Variants in STOX2 observed in about 807,000 individuals in gnomAD.
STOX2 encodes storkhead-box protein 2.
Under a neutral mutation model 60.9 loss-of-function variants are expected in STOX2, and 28 were observed. The observed-to-expected ratio is 0.46, with a 90% CI of 0.34 to 0.63. The LOEUF (loss-of-function observed/expected upper bound fraction) is 0.63, where lower values mean the gene tolerates loss of function less well. Ranked by LOEUF, STOX2 falls within the 30% of genes least tolerant of loss-of-function variation. The probability of loss-of-function intolerance (pLI) is 0.01; values close to 1 mark genes in which losing one functional copy is unlikely to be tolerated. For missense variants in STOX2, 1,024 were observed against 1,187.7 expected (o/e 0.86, Z 2.03); for synonymous variants, 472 against 463.9 (o/e 1.02, Z -0.22).
chr4:183,823,373 G>C (rs1459336542), intron 1 of STOX2, among the ~76,000 whole-genome samples: 3 of 152,294 alleles, frequency 2.0e-5, no homozygotes, highest in Admixed American at 2.0e-4. Flanking sequence ...TCCAGCCTGG[G>C]CAAAAAGAGC....
In STOX2 at chr4:183,945,304, G is replaced by C. The variant is rs1044462599; in HGVS notation, c.166+38348G>C. Among the ~76,000 whole-genome samples, 22 of 152,152 alleles carry C rather than the reference G, an allele frequency of 1.4e-4. 3 individuals are homozygous for C. The highest frequency in any genetic ancestry group is 1.4e-3 in the Admixed American group (22 of 15,258). On this transcript the variant is annotated intron_variant, in intron 1 of 3. Transcript: ENST00000308497. ...GGGGTTGGAAGTGGAAGAGACACAG[G>C]AAAAATCTGATTTTAACATGAGGGT...
intron 1 of STOX2, among the ~76,000 whole-genome samples, chr4:183,870,769 G>C (rs1258985939): frequency 1.3e-5 from 2 of 152,152 alleles, no homozygotes; most frequent in East Asian, 3.8e-4. Flanking sequence ...TGGGGGAGAA[G>C]AATTTCAGTA....
At chr4:183,832,885 G>A (rs7661677) in intron 1 of STOX2, among the ~76,000 whole-genome samples, 13,326 of 152,214 alleles carry the variant, frequency 0.088, 1,905 homozygotes, top group African/African-American at 0.3. Context: ...ATCCCTTCAT[G>A]TATATTTAAG....
chr4:183,853,923 C>T (rs926616379), intron 1 of STOX2: 2 of 152,212 alleles, frequency 1.3e-5, no homozygotes, highest in Non-Finnish European at 2.9e-5. Context: ...CACAATGCTT[C>T]ATAAAACCTG....
At position 183,851,147 on chromosome 4, in the gene STOX2, G is replaced by A. The variant is rs1213005066; in HGVS notation, c.364+53092G>A. The stretch of plus-strand genomic sequence containing the variant: ...GGATGAGGGAAACGATGAGGGAAAG[G>A]ATGAGAGAAACGATGAGAAAGGATG... On this transcript the variant is annotated intron_variant, in intron 1 of 2. Coordinates refer to the STOX2 transcript ENST00000513034. 5.4e-4 allele frequency among the ~76,000 whole-genome samples: 27 copies of A among 50,070 alleles called. 3 individuals carry two copies. The highest frequency in any genetic ancestry group is 1.7e-3 in the African/African-American group (26 of 15,566). The allele number at this position is 50,070 out of a possible 152,430, so 32.8% of individuals were successfully genotyped here.
intron 1 of STOX2, among the ~76,000 whole-genome samples, chr4:183,912,106 A>G (rs1741798593): frequency 6.6e-6 from 1 of 152,218 alleles, no homozygotes; most frequent in Non-Finnish European, 1.5e-5. Context: ...AAATATTTCT[A>G]AAACCTGTCT....
intron 1 of STOX2, among the ~76,000 whole-genome samples, chr4:183,831,126 G>A (rs1047658229): frequency 3.3e-5 from 5 of 151,890 alleles, no homozygotes; most frequent in African/African-American, 1.2e-4. Flanking sequence ...GTGTGGAGGC[G>A]TGAGGGGGGA....
intron 1 of STOX2, among the ~76,000 whole-genome samples, chr4:183,927,530 A>G (rs2111109605): frequency 6.6e-6 from 1 of 152,110 alleles, no homozygotes; most frequent in Admixed American, 6.5e-5. Context: ...GAGGTGGGAA[A>G]GACTTAATTG....
intron 1 of STOX2, among the ~76,000 whole-genome samples, chr4:183,817,982 T>C (rs1739190439): frequency 6.6e-6 from 1 of 152,112 alleles, no homozygotes; most frequent in African/African-American, 2.4e-5. Context: ...TAACTATCAC[T>C]GTACTTTCGG....
intron 1 of STOX2, chr4:183,798,544 G>T (rs1738687170): frequency 3.9e-5 from 34 of 873,782 alleles, no homozygotes; most frequent in Non-Finnish European, 4.7e-5. Flanking sequence ...GCGACTGCGG[G>T]GGACGCGCCG....
rs1394270906 is a variant in STOX2, at chr4:183,905,492, T to G, written c.-1299T>G. 6.6e-6 allele frequency: 1 copy of G among 152,198 alleles called. No homozygotes were observed. The highest frequency in any genetic ancestry group is 1.9e-4 in the East Asian group (1 of 5,182). The allele number at this position is 152,198 out of a possible 1,614,324, so 9.4% of individuals were successfully genotyped here. A position where few individuals can be genotyped will look rare whatever the true frequency, so the allele number is the denominator to read the frequency against. On this transcript the variant is annotated 5_prime_UTR_variant, in exon 1 of 4. Transcript: ENST00000308497. Reference sequence around the variant, plus strand: ...TGTGCGGTTGTGGGGGAGCTCGCCGTGGCCTCCCCTCCCTCTGGCTTTAGC... The same window carrying G: ...TGTGCGGTTGTGGGGGAGCTCGCCGGGGCCTCCCCTCCCTCTGGCTTTAGC...
chr4:183,985,557 A>G (rs972025289), intron 1 of STOX2, among the ~76,000 whole-genome samples: 2 of 152,230 alleles, frequency 1.3e-5, no homozygotes, highest in African/African-American at 4.8e-5. Flanking sequence ...GTTTCTAAGT[A>G]CAGACATACT....
intron 1 of STOX2, among the ~76,000 whole-genome samples, chr4:183,967,305 G>T (rs58751100): frequency 0.034 from 5,130 of 151,734 alleles, 274 homozygotes; most frequent in African/African-American, 0.12. Flanking sequence ...GGCGGAGGTT[G>T]CAGTGAGCCG....
chr4:183,903,225 A>G (rs114894140), upstream of STOX2, among the ~76,000 whole-genome samples: 3,817 of 152,234 alleles, frequency 0.025, 62 homozygotes, highest in Non-Finnish European at 0.032. Context: ...GCATCCTTCC[A>G]TGACCTCATC....
At chr4:183,922,384 T>C (rs1579420200) in intron 1 of STOX2, among the ~76,000 whole-genome samples, 2 of 151,322 alleles carry the variant, frequency 1.3e-5, no homozygotes, top group East Asian at 3.9e-4. Context: ...TCTCGCTCTG[T>C]CGCCCAGGCT....
intron 1 of STOX2, among the ~76,000 whole-genome samples, chr4:183,945,328 G>A (rs1337909732): frequency 6.6e-6 from 1 of 152,186 alleles, no homozygotes; most frequent in Admixed American, 6.5e-5. Context: ...TAACATGAGG[G>A]TACACAGCGG....
At position 183,906,702 on chromosome 4, in the gene STOX2, G is replaced by C. The variant is rs1741622821; in HGVS notation, c.-89G>C. On this transcript the variant is annotated 5_prime_UTR_variant, in exon 1 of 4. Coordinates refer to ENST00000308497, the MANE Select transcript of STOX2 (RefSeq NM_020225.3). ...GGAAAATGTGCGCAGAGTCCGCCCG[G>C]GTCGTGCCCGCCGTAGACGGATGAA... The C allele has an allele frequency of 7.4e-7, 1 of 1,356,682 alleles. No individual in the cohort carries two copies. The highest frequency in any genetic ancestry group is 1.5e-5 in the South Asian group (1 of 65,066). The allele number at this position is 1,356,682 out of a possible 1,614,324, so 84.0% of individuals were successfully genotyped here.
intron 1 of STOX2, among the ~76,000 whole-genome samples, chr4:183,970,245 A>G (rs963975238): frequency 6.7e-6 from 1 of 148,990 alleles, no homozygotes; most frequent in Non-Finnish European, 1.5e-5. Flanking sequence ...TTGCTTTACA[A>G]TTTCTCGTGG....
At chr4:183,917,359 T>A (rs1301199632) in intron 1 of STOX2, among the ~76,000 whole-genome samples, 1 of 152,234 alleles carries the variant, frequency 6.6e-6, no homozygotes. Flanking sequence ...TGTAGAGATG[T>A]GAACTTTGGT....
Sources: gnomAD v4.1 joint callset for allele counts (sites outside exome capture counted in the v4.1 genomes callset) on GRCh38, gnomAD v4.1.1 for gene constraint, MANE v1.5 for transcripts, NCBI Gene and HGNC (gene_info 2026-07-23, HGNC 2026-07-21) for gene names.